Variants in LARP4B observed in about 807,000 individuals in gnomAD.
LARP4B encodes la-related protein 4B.
A neutral mutation model predicts 89.8 loss-of-function variants in LARP4B; 12 were observed. The observed-to-expected ratio is 0.13, with a 90% CI of 0.09 to 0.22. The LOEUF is 0.22. Among genes scored for constraint, LARP4B ranks in the 10% least tolerant of loss-of-function variants. The pLI, the probability that LARP4B is intolerant of heterozygous loss-of-function variation, is 1.00. For missense variants in LARP4B, 757 were observed against 947.7 expected (o/e 0.80, Z 2.64); for synonymous variants, 367 against 363.3 (o/e 1.01, Z -0.12).
the LARP4B span, among the ~76,000 whole-genome samples, chr10:943,355 C>T: frequency 6.6e-6 from 1 of 152,204 alleles, no homozygotes; most frequent in Non-Finnish European, 1.5e-5. Flanking sequence ...GTGGGATGCA[C>T]ATGGAGCCTC....
chr10:916,922 T>A (rs1836836981), intron 1 of LARP4B, among the ~76,000 whole-genome samples: 1 of 152,156 alleles, frequency 6.6e-6, no homozygotes, highest in Admixed American at 6.5e-5. Context: ...GGTCTTGAAC[T>A]CATGGCCTCA....
At chr10:966,924 C>T in the LARP4B span, among the ~76,000 whole-genome samples, 1 of 152,246 alleles carries the variant, frequency 6.6e-6, no homozygotes, top group African/African-American at 2.4e-5. Context: ...GAGGCCACCC[C>T]CTCTTCCCCA....
At chr10:819,648 G>A (rs1335483188) in intron 14 of LARP4B, 1 of 152,262 alleles carries the variant, frequency 6.6e-6, no homozygotes, top group African/African-American at 2.4e-5. Context: ...AAAACATCAC[G>A]GCAGGCACAA....
intron 1 of LARP4B, among the ~76,000 whole-genome samples, chr10:915,253 C>G (rs1836787995): frequency 6.6e-6 from 1 of 151,994 alleles, no homozygotes; most frequent in African/African-American, 2.4e-5. Flanking sequence ...CCACTACACT[C>G]CACCCCAGGC....
the LARP4B span, among the ~76,000 whole-genome samples, chr10:937,039 G>T: frequency 6.6e-6 from 1 of 152,114 alleles, no homozygotes; most frequent in Non-Finnish European, 1.5e-5. Context: ...ATGAAGAAGA[G>T]ATTTTTTTAT....
At chr10:851,806 T>C (rs1262390154) in intron 5 of LARP4B, among the ~76,000 whole-genome samples, 2 of 152,002 alleles carry the variant, frequency 1.3e-5, no homozygotes, top group Non-Finnish European at 2.9e-5. Flanking sequence ...GGCTCATGCT[T>C]GTAATCTCAG....
At chr10:941,437 C>T in the LARP4B span, among the ~76,000 whole-genome samples, 1 of 152,308 alleles carries the variant, frequency 6.6e-6, no homozygotes, top group South Asian at 2.1e-4. Context: ...CCTCAGCCTC[C>T]TGAGTAGCTG....
chr10:976,551 G>T, the LARP4B span, among the ~76,000 whole-genome samples: 2 of 137,170 alleles, frequency 1.5e-5, no homozygotes, highest in African/African-American at 5.5e-5. Context: ...GAAGGTAGGT[G>T]CCGCGTAATG....
chr10:836,794 C>G, intron 7 of LARP4B, among the ~76,000 whole-genome samples: 1 of 152,178 alleles, frequency 6.6e-6, no homozygotes, highest in Non-Finnish European at 1.5e-5. Context: ...CCACCAGTAC[C>G]TAAAGTGAGA....
At chr10:859,882 G>A (rs1306202331) in intron 5 of LARP4B, among the ~76,000 whole-genome samples, 1 of 150,970 alleles carries the variant, frequency 6.6e-6, no homozygotes, top group Non-Finnish European at 1.5e-5. Context: ...GGGAGGGAGG[G>A]GTGAGTAGGC....
At chr10:887,579 C>T (rs193187119) in intron 1 of LARP4B, among the ~76,000 whole-genome samples, 4 of 150,862 alleles carry the variant, frequency 2.7e-5, no homozygotes, top group Admixed American at 2.6e-4. Flanking sequence ...GGAACGGTGG[C>T]GGGCACCTGT....
chr10:827,137 G>A lies in LARP4B; in HGVS notation c.1126-1267C>T, dbSNP rs112179173. Among the ~76,000 whole-genome samples the A allele has an allele frequency of 3.2e-3, 492 of 152,046 alleles. 5 individuals are homozygous for A. Among genetic ancestry groups the A allele is most frequent in the African/African-American group, 0.011 (471 of 41,516 alleles). ...AAAAATACAAAAAAATTATCCGGGCGTAGTGGCGGGCGCCTGTAGTCCCAG... is the reference window on the plus strand; with the variant it reads ...AAAAATACAAAAAAATTATCCGGGCATAGTGGCGGGCGCCTGTAGTCCCAG... On this transcript the variant is annotated intron_variant, in intron 11 of 17. Coordinates refer to ENST00000316157, the MANE Select transcript of LARP4B (RefSeq NM_015155.3).
intron 1 of LARP4B, chr10:903,580 C>T (rs956414371): frequency 1.3e-5 from 2 of 152,180 alleles, no homozygotes; most frequent in African/African-American, 4.8e-5. Flanking sequence ...TACACCTGAA[C>T]TGAGGAAAAG....
At chr10:825,914 G>A in intron 11 of LARP4B, 44 bp from the exon 12 acceptor site, 1 of 1,288,808 alleles carries the variant, frequency 7.8e-7, no homozygotes, top group Non-Finnish European at 1.1e-6. Context: ...CCATAAAACA[G>A]ACTTCAATTT....
the LARP4B span, among the ~76,000 whole-genome samples, chr10:983,120 C>T: frequency 6.6e-6 from 1 of 152,210 alleles, no homozygotes; most frequent in Non-Finnish European, 1.5e-5. Context: ...TTCGTTGTAG[C>T]ATATTTGGAT....
chr10:968,648 C>T, the LARP4B span, among the ~76,000 whole-genome samples: 3 of 152,244 alleles, frequency 2.0e-5, no homozygotes, highest in South Asian at 2.1e-4. Flanking sequence ...GACAATTTCA[C>T]GTGCTTTGTT....
chr10:919,423 G>C lies in LARP4B; in HGVS notation c.-40+12005C>G, dbSNP rs558027314. Reference sequence around the variant, plus strand: ...CCCATTTTCTGTTCTTCCTGTATTGGATGATGTAAAGCAAACTGTCACCAA... The same window carrying C: ...CCCATTTTCTGTTCTTCCTGTATTGCATGATGTAAAGCAAACTGTCACCAA... On this transcript the variant is annotated intron_variant, in intron 1 of 17. Coordinates refer to ENST00000316157, the MANE Select transcript of LARP4B (RefSeq NM_015155.3). Among the ~76,000 whole-genome samples the C allele has an allele frequency of 2.6e-5, 4 of 152,158 alleles. No homozygotes were observed. In the East Asian group the frequency reaches 5.8e-4, roughly 22 times the overall value.
At chr10:878,937 T>C (rs1005315067) in intron 3 of LARP4B, among the ~76,000 whole-genome samples, 1 of 152,210 alleles carries the variant, frequency 6.6e-6, no homozygotes, top group Non-Finnish European at 1.5e-5. Context: ...TTTAAAGAAA[T>C]TACAAAATGT....
chr10:884,616 C>A, intron 2 of LARP4B, 110 bp from the exon 3 acceptor site: 1 of 667,974 alleles, frequency 1.5e-6, no homozygotes, highest in East Asian at 2.8e-5. Context: ...ATGCACATTT[C>A]ACATGACAAA....
Sources: gnomAD v4.1 joint callset for allele counts (sites outside exome capture counted in the v4.1 genomes callset) on GRCh38, gnomAD v4.1.1 for gene constraint, MANE v1.5 for transcripts, NCBI Gene and HGNC (gene_info 2026-07-23, HGNC 2026-07-21) for gene names.